CACNA2D1: variants seen among roughly 807,000 people sequenced by gnomAD.
CACNA2D1 encodes calcium voltage-gated channel auxiliary subunit alpha2delta 1, also known as voltage-dependent calcium channel subunit alpha-2/delta-1.
A neutral mutation model predicts 171.5 loss-of-function variants in CACNA2D1; 53 were observed. The observed-to-expected ratio is 0.31, with a 90% CI of 0.25 to 0.39. CACNA2D1 has a LOEUF of 0.39. CACNA2D1 is among the 10% of genes least tolerant of loss of function. The pLI is 1.00. For synonymous variants in CACNA2D1, 442 were observed against 443.1 expected, an observed-to-expected ratio of 1.00 and a Z score of 0.03; for missense variants, 903 against 1,299.8, an observed-to-expected ratio of 0.69 and a Z score of 4.69.
chr7:82,421,321 T>A (rs1314867761), intron 1 of CACNA2D1, among the ~76,000 whole-genome samples: 1 of 152,160 alleles, frequency 6.6e-6, no homozygotes, highest in Non-Finnish European at 1.5e-5. Flanking sequence ...ACAGTAGCAA[T>A]CACAAGTCAG....
chr7:82,348,254 G>A (rs996030985), intron 2 of CACNA2D1, among the ~76,000 whole-genome samples: 2 of 152,094 alleles, frequency 1.3e-5, no homozygotes, highest in Non-Finnish European at 2.9e-5. Flanking sequence ...GACTTTCATA[G>A]AGGCTCACTT....
chr7:82,209,549 A>C (rs1800349193), intron 3 of CACNA2D1, among the ~76,000 whole-genome samples: 1 of 152,160 alleles, frequency 6.6e-6, no homozygotes, highest in Non-Finnish European at 1.5e-5. Flanking sequence ...CCGCCTCATA[A>C]GCAGCCCCAT....
intron 15 of CACNA2D1, among the ~76,000 whole-genome samples, chr7:82,011,438 C>T (rs1190007254): frequency 6.6e-6 from 1 of 152,048 alleles, no homozygotes; most frequent in Non-Finnish European, 1.5e-5. Context: ...CAGATTTTTT[C>T]CAAATGAACT....
At chr7:82,321,014 C>T (rs1815765467) in intron 3 of CACNA2D1, among the ~76,000 whole-genome samples, 1 of 151,274 alleles carries the variant, frequency 6.6e-6, no homozygotes, top group African/African-American at 2.4e-5. Flanking sequence ...ACTTAATGAA[C>T]CTTTTAGCTC....
chr7:82,148,473 T>C (rs1563119742), intron 4 of CACNA2D1, among the ~76,000 whole-genome samples: 1 of 152,066 alleles, frequency 6.6e-6, no homozygotes, highest in Non-Finnish European at 1.5e-5. Context: ...TAGGAAACAG[T>C]GGGAGAGCAA....
intron 3 of CACNA2D1, among the ~76,000 whole-genome samples, chr7:82,260,717 T>C (rs897695610): frequency 3.3e-5 from 5 of 152,190 alleles, no homozygotes; most frequent in African/African-American, 9.6e-5. Context: ...CTCAGTTTAA[T>C]AGAAACAGAT....
intron 1 of CACNA2D1, among the ~76,000 whole-genome samples, chr7:82,365,852 T>C (rs1221475233): frequency 6.6e-6 from 1 of 152,214 alleles, no homozygotes; most frequent in Non-Finnish European, 1.5e-5. Context: ...ACAATTTGCA[T>C]GACCCTCCTA....
chr7:82,140,995 T>C (rs1792321418), intron 4 of CACNA2D1, among the ~76,000 whole-genome samples: 1 of 148,596 alleles, frequency 6.7e-6, no homozygotes. Context: ...ATTATTCGTT[T>C]GTGATTTTTG....
intron 36 of CACNA2D1, 67 bp from the exon 37 acceptor site, chr7:81,959,896 G>GATTC: frequency 6.4e-7 from 1 of 1,552,970 alleles, no homozygotes; most frequent in Non-Finnish European, 8.7e-7. Flanking sequence ...ATCTTTCAAA[G>GATTC]ATTCTTACAT....
At chr7:82,021,718 A>T (rs1801232806) in intron 12 of CACNA2D1, among the ~76,000 whole-genome samples, 2 of 152,030 alleles carry the variant, frequency 1.3e-5, no homozygotes, top group African/African-American at 2.4e-5. Context: ...TAAAATAATT[A>T]AAAAATGGTA....
chr7:82,412,819 T>C (rs1187205351), intron 1 of CACNA2D1, among the ~76,000 whole-genome samples: 4 of 151,988 alleles, frequency 2.6e-5, no homozygotes, highest in Non-Finnish European at 5.9e-5. Flanking sequence ...AAAGTCTATT[T>C]AGAGTGAACA....
Position 82,299,598 on chromosome 7 carries a change from T to C in CACNA2D1, c.294+35537A>G, listed in dbSNP as rs192403667. Among the ~76,000 whole-genome samples the C allele has an allele frequency of 2.6e-4, 40 of 151,164 alleles. No homozygotes were observed. In the East Asian group the frequency reaches 3.3e-3, roughly 13 times the overall value. ...TCACTTGAACCTGGGAGGCGGAGGT[T>C]ACACTGAGCTGAGATCATGTCACTG... On this transcript the variant is annotated intron_variant, in intron 3 of 38. Coordinates refer to ENST00000356860, the MANE Select transcript of CACNA2D1 (RefSeq NM_000722.4).
At chr7:82,111,104 A>T (rs1032656730) in intron 6 of CACNA2D1, among the ~76,000 whole-genome samples, 6 of 151,738 alleles carry the variant, frequency 4.0e-5, no homozygotes, top group African/African-American at 1.5e-4. Context: ...AATATTTTTC[A>T]TTCCTATGAT....
chr7:82,101,167 T>C (rs764598967), intron 6 of CACNA2D1, among the ~76,000 whole-genome samples: 1 of 152,096 alleles, frequency 6.6e-6, no homozygotes, highest in Non-Finnish European at 1.5e-5. Context: ...AATGAAAATC[T>C]AAAGAAGAAA....
At chr7:82,007,309 C>T (rs1229824534) in intron 16 of CACNA2D1, among the ~76,000 whole-genome samples, 1 of 152,138 alleles carries the variant, frequency 6.6e-6, no homozygotes, top group Admixed American at 6.6e-5. Flanking sequence ...CTGATACAAA[C>T]ATCGCCATGC....
intron 1 of CACNA2D1, among the ~76,000 whole-genome samples, chr7:82,410,722 G>A (rs2129454889): frequency 6.6e-6 from 1 of 152,324 alleles, no homozygotes; most frequent in Admixed American, 6.5e-5. Flanking sequence ...GGGGAAGGCA[G>A]AATGAATTCT....
intron 1 of CACNA2D1, among the ~76,000 whole-genome samples, chr7:82,352,298 C>T (rs1819937551): frequency 6.6e-6 from 1 of 152,162 alleles, no homozygotes; most frequent in Admixed American, 6.6e-5. Context: ...AGGTCCCATT[C>T]ATCATGAAAG....
intron 3 of CACNA2D1, among the ~76,000 whole-genome samples, chr7:82,303,188 G>A (rs1052569030): frequency 5.3e-5 from 8 of 151,852 alleles, no homozygotes; most frequent in Admixed American, 1.3e-4. Context: ...TAGTAGAGAC[G>A]GGATTTCACT....
intron 3 of CACNA2D1, among the ~76,000 whole-genome samples, chr7:82,317,100 C>T (rs943286142): frequency 1.3e-5 from 2 of 152,242 alleles, no homozygotes; most frequent in Admixed American, 6.5e-5. Flanking sequence ...TGAATATTAC[C>T]GAATGAGTAA....
Sources: gnomAD v4.1 joint callset for allele counts (sites outside exome capture counted in the v4.1 genomes callset) on GRCh38, gnomAD v4.1.1 for gene constraint, MANE v1.5 for transcripts, NCBI Gene and HGNC (gene_info 2026-07-23, HGNC 2026-07-21) for gene names.